Variants in AKAP6 observed in about 807,000 individuals in gnomAD.
AKAP6 encodes A-kinase anchor protein 6.
Under a neutral mutation model 188.5 loss-of-function variants are expected in AKAP6, and 58 were observed. That is an observed-to-expected ratio of 0.31 (90% CI 0.25 to 0.38). The LOEUF is 0.38. Among genes scored for constraint, AKAP6 ranks in the 10% least tolerant of loss-of-function variants. AKAP6 has a pLI of 1.00. For missense variants in AKAP6, 2,710 were observed against 2,740.0 expected (o/e 0.99, Z 0.24); for synonymous variants, 989 against 998.6 (o/e 0.99, Z 0.18).
Position 32,546,465 on chromosome 14 carries a change from A to G in AKAP6, c.1812A>G (p.Lys604=). The change falls in exon 4 of 14, where the codon AAA becomes AAG. Residue 604 remains lysine (K), a synonymous_variant. Transcript: ENST00000280979. ...CACTTCTTTCAAAACACAAAAGCAA[A>G]AAAGGTCAAGCCTCCTCTCCAAGTC... The part of the protein sequence containing the change: ...PVPLLSKHKS[K]KGQASSPSHV... 1 of 1,614,138 alleles carries G rather than the reference A, an allele frequency of 6.2e-7. No homozygotes were observed. The highest frequency in any genetic ancestry group is 8.5e-7 in the Non-Finnish European group (1 of 1,180,016).
chr14:32,625,478 T>C (rs1472556231), intron 7 of AKAP6, among the ~76,000 whole-genome samples: 1 of 152,150 alleles, frequency 6.6e-6, no homozygotes, highest in African/African-American at 2.4e-5. Flanking sequence ...ACACAAAACA[T>C]ATGTTCATGT....
intron 12 of AKAP6, among the ~76,000 whole-genome samples, chr14:32,778,547 T>A (rs960574454): frequency 2.6e-5 from 4 of 152,178 alleles, no homozygotes; most frequent in African/African-American, 7.2e-5. Flanking sequence ...GGGTTTTTTT[T>A]ATTTGTTTGT....
chr14:32,529,029 GT>G (rs1163409759), intron 2 of AKAP6, among the ~76,000 whole-genome samples: 1 of 152,082 alleles, frequency 6.6e-6, no homozygotes, highest in African/African-American at 2.4e-5. Context: ...AACTTTCTGG[GT>G]TTTTTACTGA....
rs749387162 is a variant in AKAP6, at chr14:32,732,486, G to C, written c.3033G>C (p.Leu1011=). The part of the protein sequence containing the change: ...RYSVEMSIRH[L]KKTELLSKVE... ...GTGTGGAAATGTCCATCAGACACCT[G>C]AAAAAGACGGAGCTGCTTAGTAAGG... The change falls in exon 10 of 14, where the codon CTG becomes CTC. Residue 1011 remains leucine, a synonymous_variant. Transcript: ENST00000280979. The C allele has an allele frequency of 6.2e-7, 1 of 1,613,374 alleles. No homozygotes were observed. Among genetic ancestry groups the C allele is most frequent in the South Asian group, 1.1e-5 (1 of 91,058 alleles).
chr14:32,741,030 T>C (rs117396521), intron 11 of AKAP6, among the ~76,000 whole-genome samples: 1 of 150,412 alleles, frequency 6.6e-6, no homozygotes, highest in Admixed American at 6.6e-5. Context: ...TTTTTTTTTT[T>C]TGTGTGTGTT....
intron 2 of AKAP6, among the ~76,000 whole-genome samples, chr14:32,492,045 ACT>A (rs1195347981): frequency 1.3e-5 from 2 of 151,542 alleles, no homozygotes; most frequent in Admixed American, 1.3e-4. Context: ...ACATCTCTTG[ACT>A]CTCTGCTCAT....
chr14:32,764,784 A>C (rs80111431), intron 11 of AKAP6, among the ~76,000 whole-genome samples: 3,366 of 152,256 alleles, frequency 0.022, 122 homozygotes, highest in African/African-American at 0.075. Context: ...GTACCTTTTA[A>C]AATGTGTGGC....
At chr14:32,367,285 C>T (rs1347290401) in intron 1 of AKAP6, among the ~76,000 whole-genome samples, 3 of 152,168 alleles carry the variant, frequency 2.0e-5, no homozygotes, top group South Asian at 2.1e-4. Flanking sequence ...CAATAATTCA[C>T]GCACTTCTAC....
At chr14:32,762,170 T>C (rs936108225) in intron 11 of AKAP6, among the ~76,000 whole-genome samples, 6 of 152,112 alleles carry the variant, frequency 3.9e-5, no homozygotes, top group Admixed American at 3.9e-4. Flanking sequence ...AATTGCAATC[T>C]ATTTGAGCAT....
chr14:32,819,927 G>A (rs1298260419), intron 12 of AKAP6, among the ~76,000 whole-genome samples: 1 of 152,038 alleles, frequency 6.6e-6, no homozygotes, highest in Non-Finnish European at 1.5e-5. Flanking sequence ...CAGCCTGAGC[G>A]ACAGAGCAAG....
chr14:32,745,310 G>A (rs769275412), intron 11 of AKAP6, among the ~76,000 whole-genome samples: 3 of 152,088 alleles, frequency 2.0e-5, no homozygotes, highest in Non-Finnish European at 2.9e-5. Context: ...CTGTTTTAGG[G>A]AGCACCCTAA....
At chr14:32,564,228 A>G (rs570930857) in intron 4 of AKAP6, among the ~76,000 whole-genome samples, 4 of 152,356 alleles carry the variant, frequency 2.6e-5, no homozygotes, top group African/African-American at 9.6e-5. Flanking sequence ...TCCATTTTAA[A>G]GAAAATATTT....
intron 1 of AKAP6, among the ~76,000 whole-genome samples, chr14:32,332,106 T>A (rs1156763820): frequency 6.6e-6 from 1 of 152,078 alleles, no homozygotes; most frequent in African/African-American, 2.4e-5. Flanking sequence ...GGATTAGGTG[T>A]TATTATTCAC....
chr14:32,686,294 G>C (rs1309214102), intron 8 of AKAP6, among the ~76,000 whole-genome samples: 1 of 152,146 alleles, frequency 6.6e-6, no homozygotes, highest in Non-Finnish European at 1.5e-5. Context: ...CTGGGAAGGG[G>C]TAGTAGAGCA....
rs1183410325 is a variant in AKAP6 at position 32,835,317 on chromosome 14, C to G, written c.*5512C>G. 1 of 151,762 alleles carries G rather than the reference C, an allele frequency of 6.6e-6. No homozygotes were observed. Among genetic ancestry groups the G allele is most frequent in the African/African-American group, 2.4e-5 (1 of 41,352 alleles). The allele number at this position is 151,762 out of a possible 1,614,324, so 9.4% of individuals were successfully genotyped here. A position where few individuals can be genotyped will look rare whatever the true frequency, so the allele number is the denominator to read the frequency against. Reference sequence around the variant, plus strand: ...ATTTTATTGCATTCTCAACTTGTTTCATATTACCTTAAAAAATAAAGTGCA... The same window carrying G: ...ATTTTATTGCATTCTCAACTTGTTTGATATTACCTTAAAAAATAAAGTGCA... On this transcript the variant is annotated 3_prime_UTR_variant, in exon 14 of 14. Transcript: ENST00000280979.
At chr14:32,434,016 A>G in intron 2 of AKAP6, 199 bp downstream of exon 2, 1 of 577,136 alleles carries the variant, frequency 1.7e-6, no homozygotes, top group Admixed American at 3.1e-5. Flanking sequence ...ATTATCTAGA[A>G]TACAACTGGC....
chr14:32,776,616 A>G (rs1428468247), intron 12 of AKAP6, among the ~76,000 whole-genome samples: 3 of 152,238 alleles, frequency 2.0e-5, no homozygotes, highest in Non-Finnish European at 4.4e-5. Flanking sequence ...TGCTGAATGA[A>G]TGAGTACATG....
Position 32,822,554 on chromosome 14 carries a change from G to C in AKAP6, c.4741G>C (p.Gly1581Arg). The C allele has an allele frequency of 6.2e-7, 1 of 1,613,894 alleles. No individual in the cohort carries two copies. The highest frequency in any genetic ancestry group is 8.5e-7 in the Non-Finnish European group (1 of 1,179,920). The change falls in exon 13 of 14, where the codon GGC becomes CGC. Residue 1581 changes from glycine to arginine, a missense_variant. Transcript: ENST00000280979. ...LSPGGDLFGL[G>R]IFKNGSDSLQ... is the part of the protein sequence containing the mutation. ...TCCAGGGGGTGATTTATTTGGATTG[G>C]GCATCTTTAAAAATGGCAGTGACAG...
chr14:32,465,390 T>C (rs557781342), intron 2 of AKAP6, among the ~76,000 whole-genome samples: 4 of 151,882 alleles, frequency 2.6e-5, no homozygotes, highest in Non-Finnish European at 5.9e-5. Flanking sequence ...CCAAAACAGA[T>C]ATATAGACCA....
Sources: gnomAD v4.1 joint callset for allele counts (sites outside exome capture counted in the v4.1 genomes callset) on GRCh38, gnomAD v4.1.1 for gene constraint, MANE v1.5 for transcripts, NCBI Gene and HGNC (gene_info 2026-07-23, HGNC 2026-07-21) for gene names.